The following MACF1 variants were observed in gnomAD, a reference collection of about 807,000 sequenced individuals.
MACF1 encodes the protein microtubule actin crosslinking factor 1.
Under a neutral mutation model 854.8 loss-of-function variants are expected in MACF1, and 193 were observed. That is an observed-to-expected ratio of 0.23 (90% CI 0.20 to 0.25). The LOEUF is 0.25. Among genes scored for constraint, MACF1 ranks in the 10% least tolerant of loss-of-function variants. The pLI is 1.00. For missense variants in MACF1, 7,722 were observed against 8,929.1 expected, an observed-to-expected ratio of 0.86 and a Z score of 5.45; for synonymous variants, 3,185 against 3,226.7, an observed-to-expected ratio of 0.99 and a Z score of 0.44.
At position 39,423,910 on chromosome 1, in the gene MACF1, T is replaced by C. The variant is rs573078384; in HGVS notation, c.16150-118T>C. 1.2e-4 allele frequency: 101 copies of C among 814,432 alleles called. No homozygotes were observed. In the African/African-American group the frequency reaches 1.7e-3, roughly 14 times the overall value. The allele number at this position is 814,432 out of a possible 1,614,324, so 50.5% of individuals were successfully genotyped here. A position where few individuals can be genotyped will look rare whatever the true frequency, so the allele number is the denominator to read the frequency against. ...TTTTGCCCCAAGGATGAAAAAAACT[T>C]CTTTTACTCAATGAAGCTTAGGATT... On this transcript the variant is annotated intron_variant, in intron 60 of 100. Transcript: ENST00000564288.
chr1:39,380,236 T>C lies in MACF1; in HGVS notation c.13519-8T>C, dbSNP rs1196974091. ...ATCTCATGGCATGCATGGCATTCTTTCTCCTAGGCCTTCCTGGCTGAGTTG... is the reference window on the plus strand; with the variant it reads ...ATCTCATGGCATGCATGGCATTCTTCCTCCTAGGCCTTCCTGGCTGAGTTG... On this transcript the variant is annotated splice_region_variant and splice_polypyrimidine_tract_variant and intron_variant, in intron 54 of 100. Coordinates refer to ENST00000564288, the MANE Select transcript of MACF1 (RefSeq NM_001394062.1). The C allele has an allele frequency of 6.2e-7, 1 of 1,610,720 alleles. No individual in the cohort carries two copies. The highest frequency in any genetic ancestry group is 8.5e-7 in the Non-Finnish European group (1 of 1,178,856).
At chr1:39,214,359 T>C (rs987127806) in intron 1 of MACF1, among the ~76,000 whole-genome samples, 3 of 152,180 alleles carry the variant, frequency 2.0e-5, no homozygotes, top group Non-Finnish European at 4.4e-5. Flanking sequence ...TCTTCAACAT[T>C]CCAGTGTCTG....
At chr1:39,221,938 TAA>T (rs1644657206) in intron 1 of MACF1, among the ~76,000 whole-genome samples, 1 of 152,208 alleles carries the variant, frequency 6.6e-6, no homozygotes, top group Non-Finnish European at 1.5e-5. Flanking sequence ...TCTACTTAAT[TAA>T]GTACGTACTC....
At chr1:39,121,506 G>A (rs1211561387) in intron 2 of MACF1, among the ~76,000 whole-genome samples, 2 of 152,102 alleles carry the variant, frequency 1.3e-5, no homozygotes, top group Non-Finnish European at 2.9e-5. Context: ...CTGGAGTGCG[G>A]TGGCACTATC....
intron 2 of MACF1, among the ~76,000 whole-genome samples, chr1:39,187,190 C>T (rs1316496565): frequency 6.6e-6 from 1 of 152,012 alleles, no homozygotes; most frequent in Non-Finnish European, 1.5e-5. Flanking sequence ...ATGTAATATA[C>T]TATGATTACA....
rs922511626 is a variant in MACF1 at position 39,420,864 on chromosome 1, A to ATTT, written c.15817-1493_15817-1491dup. 5.4e-3 allele frequency among the ~76,000 whole-genome samples: 713 copies of ATTT among 133,242 alleles called. 10 individuals are homozygous for ATTT. The highest frequency in any genetic ancestry group is 0.051 in the Middle Eastern group (13 of 256). 87.4% of individuals were successfully genotyped at this position (133,242 alleles called of 152,430 possible). A position where few individuals can be genotyped will look rare whatever the true frequency, so the allele number is the denominator to read the frequency against. On this transcript the variant is annotated intron_variant, in intron 58 of 100. Coordinates refer to ENST00000564288, the MANE Select transcript of MACF1 (RefSeq NM_001394062.1). ...CCCTCTGATAACTGAGAGAAACCCA[A>ATTT]TTTTTTTTTTTTTTTTTTTGAGATG...
Position 39,315,700 on chromosome 1 carries a change from G to A in MACF1, c.3449+9G>A. 1.1e-5 allele frequency: 18 copies of A among 1,612,084 alleles called. No individual in the cohort carries two copies. Among genetic ancestry groups the A allele is most frequent in the Non-Finnish European group, 1.5e-5 (18 of 1,179,114 alleles). On this transcript the variant is annotated intron_variant, in intron 27 of 100. Coordinates refer to ENST00000564288, the MANE Select transcript of MACF1 (RefSeq NM_001394062.1). ...ACTGTATATCTGAATAAGTGAGTGA[G>A]CTGAGGTTTTGGGTCCAAGAGCAAT...
At chr1:39,131,947 T>C (rs1643015923) in intron 2 of MACF1, among the ~76,000 whole-genome samples, 2 of 152,182 alleles carry the variant, frequency 1.3e-5, no homozygotes, top group South Asian at 4.1e-4. Flanking sequence ...GCACCCAACT[T>C]GCCTAACAAT....
chr1:39,445,503 G>A (rs1377718391), intron 80 of MACF1, among the ~76,000 whole-genome samples: 1 of 152,186 alleles, frequency 6.6e-6, no homozygotes, highest in Admixed American at 6.5e-5. Context: ...CTGATTTATG[G>A]TGGAAACACT....
At chr1:39,159,996 T>G (rs1643764420) in intron 2 of MACF1, among the ~76,000 whole-genome samples, 1 of 152,086 alleles carries the variant, frequency 6.6e-6, no homozygotes, top group Non-Finnish European at 1.5e-5. Flanking sequence ...CTAAGAAATA[T>G]ATATGGAGAG....
chr1:39,193,392 T>C (rs1395136861), intron 2 of MACF1, among the ~76,000 whole-genome samples: 1 of 152,220 alleles, frequency 6.6e-6, no homozygotes, highest in Non-Finnish European at 1.5e-5. Context: ...GAAGCAATGC[T>C]GTCGAAGCCT....
chr1:39,449,065 G>A (rs951147598), intron 84 of MACF1, among the ~76,000 whole-genome samples: 2 of 152,142 alleles, frequency 1.3e-5, no homozygotes, highest in Non-Finnish European at 2.9e-5. Context: ...CTTATTGACT[G>A]CTCTTGGACA....
At chr1:39,119,128 G>C (rs889524548) in intron 2 of MACF1, among the ~76,000 whole-genome samples, 9 of 151,992 alleles carry the variant, frequency 5.9e-5, no homozygotes, top group African/African-American at 2.2e-4. Flanking sequence ...AGACCAGCGG[G>C]ACCAACATGG....
chr1:39,163,836 CTT>C (rs985122925), intron 2 of MACF1, among the ~76,000 whole-genome samples: 6 of 151,968 alleles, frequency 3.9e-5, no homozygotes. Flanking sequence ...GGAAAAAAGA[CTT>C]TTTTGACTTT....
chr1:39,298,306 A>G (rs972459601), intron 21 of MACF1, among the ~76,000 whole-genome samples: 1 of 152,232 alleles, frequency 6.6e-6, no homozygotes, highest in Non-Finnish European at 1.5e-5. Flanking sequence ...AATTTTTAAG[A>G]AATAGTTTTA....
At chr1:39,101,905 G>A (rs1642089140) in intron 2 of MACF1, among the ~76,000 whole-genome samples, 1 of 151,836 alleles carries the variant, frequency 6.6e-6, no homozygotes, top group Non-Finnish European at 1.5e-5. Context: ...GGCTGGGCGC[G>A]GTGGCTCGCG....
At chr1:39,221,991 T>C (rs776628611) in intron 1 of MACF1, among the ~76,000 whole-genome samples, 2 of 152,224 alleles carry the variant, frequency 1.3e-5, no homozygotes, top group South Asian at 2.1e-4. Context: ...GTCAGCTAGC[T>C]GTTCTGTTAG....
chr1:39,340,102 T>A lies in MACF1; in HGVS notation c.10216-400T>A, dbSNP rs576414860. 5.3e-5 allele frequency among the ~76,000 whole-genome samples: 8 copies of A among 152,286 alleles called. 1 individual carries two copies. The South Asian group carries it at 1.7e-3, about 32-fold the overall frequency. On this transcript the variant is annotated intron_variant, in intron 38 of 100. Coordinates refer to ENST00000564288, the MANE Select transcript of MACF1 (RefSeq NM_001394062.1). ...AGAGTCATCCGTTCGGTTTATTTTGTAGCACATTAATTCTGCACAGCTGCT... is the reference window on the plus strand; with the variant it reads ...AGAGTCATCCGTTCGGTTTATTTTGAAGCACATTAATTCTGCACAGCTGCT...
intron 58 of MACF1, among the ~76,000 whole-genome samples, chr1:39,418,233 A>G (rs908361803): frequency 6.6e-6 from 1 of 152,114 alleles, no homozygotes; most frequent in Admixed American, 6.5e-5. Context: ...GATTTAAGGA[A>G]GAGGTAAGGG....
Sources: gnomAD v4.1 joint callset for allele counts (sites outside exome capture counted in the v4.1 genomes callset) on GRCh38, gnomAD v4.1.1 for gene constraint, MANE v1.5 for transcripts, NCBI Gene and HGNC (gene_info 2026-07-23, HGNC 2026-07-21) for gene names.